Variants in NSDHL observed in about 807,000 individuals in gnomAD.
NSDHL encodes NAD(P) dependent 3-beta-hydroxysteroid dehydrogenase NSDHL.
Under a neutral mutation model 23.0 loss-of-function variants are expected in NSDHL, and 1 was observed. The ratio of observed to expected loss-of-function variants is 0.04; its 90% CI spans 0.02 to 0.21. The LOEUF (loss-of-function observed/expected upper bound fraction) is 0.21. Ranked by LOEUF, NSDHL falls within the 10% of genes least tolerant of loss-of-function variation. The pLI is 1.00. For missense variants in NSDHL, 237 were observed against 300.9 expected (o/e 0.79, Z 1.57); for synonymous variants, 128 against 121.1 (o/e 1.06, Z -0.37).
At chrX:152,865,262 G>A (rs936821718) in intron 5 of NSDHL, among the ~76,000 whole-genome samples, 1 of 111,626 alleles carries the variant, frequency 9.0e-6, no homozygotes, top group Non-Finnish European at 1.9e-5. Context: ...CCCAGCTGCT[G>A]GCCTGTTTCT....
At chrX:152,848,715 A>G (rs1226574991) in intron 2 of NSDHL, among the ~76,000 whole-genome samples, 1 of 112,271 alleles carries the variant, frequency 8.9e-6, no homozygotes, top group Non-Finnish European at 1.9e-5. Context: ...GGGCTTAGCC[A>G]GACTTTTAGT....
intron 5 of NSDHL, among the ~76,000 whole-genome samples, chrX:152,864,734 C>G (rs1602941446): frequency 8.9e-6 from 1 of 111,883 alleles, no homozygotes; most frequent in Non-Finnish European, 1.9e-5. Flanking sequence ...TAGAGATGAG[C>G]CTTGGTGGAA....
chrX:152,836,929 T>C (rs147438734), intron 1 of NSDHL, among the ~76,000 whole-genome samples: 1,146 of 112,286 alleles, frequency 0.01, 8 homozygotes, highest in Non-Finnish European at 0.016. Context: ...TTTTTCCTAT[T>C]CATGAGCATG....
At chrX:152,865,015 A>G (rs1933584954) in intron 5 of NSDHL, among the ~76,000 whole-genome samples, 1 of 112,596 alleles carries the variant, frequency 8.9e-6, no homozygotes, top group African/African-American at 3.2e-5. Flanking sequence ...ATTCGCATGC[A>G]GCCCCGTCAG....
intron 1 of NSDHL, among the ~76,000 whole-genome samples, chrX:152,838,458 G>C (rs1277471883): frequency 1.8e-5 from 2 of 111,239 alleles, no homozygotes; most frequent in African/African-American, 6.6e-5. Flanking sequence ...TTCCCTCTAC[G>C]CACTGCTTTA....
chrX:152,845,684 G>A (rs1362114782), intron 1 of NSDHL, among the ~76,000 whole-genome samples: 1 of 111,379 alleles, frequency 9.0e-6, no homozygotes, highest in Non-Finnish European at 1.9e-5. Flanking sequence ...GTTCCTCCAC[G>A]CATCGTCAGG....
intron 1 of NSDHL, among the ~76,000 whole-genome samples, chrX:152,844,041 A>C (rs782347392): frequency 8.9e-6 from 1 of 111,940 alleles, no homozygotes; most frequent in Admixed American, 9.5e-5. Context: ...ATAGGGGAGA[A>C]CTAAAGTGGT....
At chrX:152,855,413 T>C (rs1178572498) in intron 3 of NSDHL, among the ~76,000 whole-genome samples, 2 of 111,960 alleles carry the variant, frequency 1.8e-5, no homozygotes, top group African/African-American at 3.3e-5. Flanking sequence ...TTCCCTCTTA[T>C]GGTTTTTAGG....
chrX:152,836,709 T>C lies in NSDHL; in HGVS notation c.-44+5592T>C, dbSNP rs781956016. Among the ~76,000 whole-genome samples, 8 of 112,317 alleles carry C rather than the reference T, an allele frequency of 7.1e-5. No homozygotes were observed. The East Asian group carries it at 8.4e-4, about 12-fold the overall frequency. On this transcript the variant is annotated intron_variant, in intron 1 of 7. Coordinates refer to ENST00000370274, the MANE Select transcript of NSDHL (RefSeq NM_015922.3). ...CATGCTGTTTTGGTTACTGTAGCCTTGTAGTATAGTTCGAAGTCAAGTAGT... is the reference window on the plus strand; with the variant it reads ...CATGCTGTTTTGGTTACTGTAGCCTCGTAGTATAGTTCGAAGTCAAGTAGT...
chrX:152,840,191 T>C (rs1187714317), intron 1 of NSDHL, among the ~76,000 whole-genome samples: 2 of 112,281 alleles, frequency 1.8e-5, no homozygotes, highest in Non-Finnish European at 3.8e-5. Flanking sequence ...TTATTCTAGT[T>C]AGTCATTCAT....
chrX:152,864,292 G>T (rs1201844244), intron 5 of NSDHL, among the ~76,000 whole-genome samples: 3 of 112,447 alleles, frequency 2.7e-5, no homozygotes, highest in Non-Finnish European at 3.8e-5. Context: ...AGGGGTGGAG[G>T]CTTGAACTTT....
At position 152,868,901 on chromosome X, in the gene NSDHL, C is replaced by G; in HGVS notation, c.907C>G (p.Leu303Val). Residue 303 changes from leucine (L) to valine (V), a missense_variant, in exon 8 of 8, where the codon CTG becomes GTG. By Grantham distance (32) the Leu-to-Val change is conservative (BLOSUM62 1). This residue lies in a region of NSDHL where 117 missense variants were observed against 99.5 expected (regional missense o/e 1.18). Transcript: ENST00000370274. ...CATCCCCTACTGGGTGGCCTACTACCTGGCCCTCCTGCTATCCCTGCTGGT... is the reference window on the plus strand; with the variant it reads ...CATCCCCTACTGGGTGGCCTACTACGTGGCCCTCCTGCTATCCCTGCTGGT... ...YHIPYWVAYY[L>V]ALLLSLLVMV... 2 of 1,211,919 alleles carry G rather than the reference C, an allele frequency of 1.7e-6. No individual in the cohort carries two copies. The highest frequency in any genetic ancestry group is 2.2e-6 in the Non-Finnish European group (2 of 895,351).
chrX:152,868,652 T>C (rs894411284), intron 7 of NSDHL, 132 bp from the exon 8 acceptor site: 8 of 586,145 alleles, frequency 1.4e-5, no homozygotes, highest in Admixed American at 6.7e-5. Flanking sequence ...AGTTGTGCAA[T>C]TGAGGGCAGG....
intron 3 of NSDHL, among the ~76,000 whole-genome samples, chrX:152,854,796 G>A (rs2125011059): frequency 9.2e-6 from 1 of 109,179 alleles, no homozygotes; most frequent in South Asian, 4.2e-4. Flanking sequence ...AAGGTGGGAG[G>A]ATCACTTGAG....
At chrX:152,851,145 A>G (rs1450207943) in intron 3 of NSDHL, among the ~76,000 whole-genome samples, 4 of 112,540 alleles carry the variant, frequency 3.6e-5, no homozygotes, top group African/African-American at 6.4e-5. Flanking sequence ...CAAAGCTGCT[A>G]TGTCAATTTT....
At chrX:152,857,182 G>A (rs1484200580) in intron 3 of NSDHL, among the ~76,000 whole-genome samples, 2 of 112,919 alleles carry the variant, frequency 1.8e-5, no homozygotes, top group African/African-American at 6.4e-5. Flanking sequence ...GCTAGACTTA[G>A]AATGTCACCA....
rs782488756 is a variant in NSDHL, at chrX:152,867,643, G to A, written c.759G>A (p.Gln253=). The change falls in exon 7 of 8, where the codon CAG becomes CAA. Residue 253 remains glutamine, a synonymous_variant. Transcript: ENST00000370274. ...ATGGACACATCCTGGCGGCAGAGCA[G>A]CTCTCCCGAGACTCGACACTGGGTG... The part of the protein sequence containing the change: ...VVHGHILAAE[Q]LSRDSTLGGK... 1 of 1,207,199 alleles carries A rather than the reference G, an allele frequency of 8.3e-7. No homozygotes were observed. The highest frequency in any genetic ancestry group is 3.0e-5 in the East Asian group (1 of 33,797).
In NSDHL at chrX:152,865,707, G is replaced by C. The variant is rs1470707843; in HGVS notation, c.544-112G>C. 3.2e-6 allele frequency: 3 copies of C among 948,818 alleles called. No individual in the cohort carries two copies. The African/African-American group carries it at 5.7e-5, about 18-fold the overall frequency. 78.2% of individuals were successfully genotyped at this position (948,818 alleles called of 1,213,427 possible). A position where few individuals can be genotyped will look rare whatever the true frequency, so the allele number is the denominator to read the frequency against. Reference sequence around the variant, plus strand: ...TGCTCAGTGGCCACATGCCAGCAGAGTGTGTCATCTGTCTGTCCCCCACGA... The same window carrying C: ...TGCTCAGTGGCCACATGCCAGCAGACTGTGTCATCTGTCTGTCCCCCACGA... On this transcript the variant is annotated intron_variant, in intron 5 of 7. Transcript: ENST00000370274.
At chrX:152,846,498 T>C (rs1460405607) in intron 2 of NSDHL, 66 bp downstream of exon 2, 2 of 712,913 alleles carry the variant, frequency 2.8e-6, no homozygotes, top group Admixed American at 2.3e-5. Flanking sequence ...TGAAAAATTG[T>C]ATTTGTACAT....
Sources: allele counts gnomAD v4.1 joint callset (sites outside exome capture counted in the v4.1 genomes callset), GRCh38; gene constraint gnomAD v4.1.1; regional missense constraint gnomAD v4.1.1; transcripts MANE v1.5; gene names NCBI Gene and HGNC (gene_info 2026-07-23, HGNC 2026-07-21).